Variants in CDH18 observed in about 807,000 individuals in gnomAD.
CDH18 encodes cadherin-18.
In CDH18, 31 loss-of-function variants were observed where a neutral mutation model predicts 67.9. That is an observed-to-expected ratio of 0.46 (90% confidence interval 0.34 to 0.62). The LOEUF is 0.62. CDH18 is among the 20% of genes least tolerant of loss of function. The pLI is 0.01. For synonymous variants in CDH18, 362 were observed against 347.2 expected, an observed-to-expected ratio of 1.04 and a Z score of -0.48; for missense variants, 890 against 975.5, an observed-to-expected ratio of 0.91 and a Z score of 1.17.
chr5:19,735,457 C>T (rs1261252707), intron 4 of CDH18, among the ~76,000 whole-genome samples: 1 of 148,466 alleles, frequency 6.7e-6, no homozygotes, highest in African/African-American at 2.5e-5. Flanking sequence ...AATGCAGTGG[C>T]GTGATCTCGG....
At chr5:19,894,657 T>C (rs1295373467) in intron 2 of CDH18, among the ~76,000 whole-genome samples, 4 of 152,192 alleles carry the variant, frequency 2.6e-5, no homozygotes, top group Non-Finnish European at 5.9e-5. Context: ...CTGAATAAAA[T>C]TGCATTTGTT....
intron 2 of CDH18, among the ~76,000 whole-genome samples, chr5:20,115,661 G>A (rs573947950): frequency 3.3e-5 from 5 of 151,974 alleles, no homozygotes; most frequent in Non-Finnish European, 4.4e-5. Flanking sequence ...ACAAATATTC[G>A]GTCTACAATG....
At chr5:19,637,806 A>G (rs1300433284) in intron 5 of CDH18, among the ~76,000 whole-genome samples, 1 of 151,834 alleles carries the variant, frequency 6.6e-6, no homozygotes, top group Non-Finnish European at 1.5e-5. Flanking sequence ...TAAATTCCCA[A>G]TTTTCTTTGT....
chr5:19,791,155 T>C (rs1776310380), intron 3 of CDH18, among the ~76,000 whole-genome samples: 1 of 152,054 alleles, frequency 6.6e-6, no homozygotes, highest in Admixed American at 6.6e-5. Flanking sequence ...AGTTTGAGAT[T>C]AGAAACATAA....
At chr5:19,719,734 AT>A (rs1765766765) in intron 5 of CDH18, among the ~76,000 whole-genome samples, 1 of 151,878 alleles carries the variant, frequency 6.6e-6, no homozygotes, top group African/African-American at 2.4e-5. Context: ...TTAACTACAT[AT>A]TACAATCTAT....
chr5:19,619,749 G>A lies in CDH18; in HGVS notation c.644-7148C>T, dbSNP rs1313587047. 2.0e-5 allele frequency among the ~76,000 whole-genome samples: 3 copies of A among 152,232 alleles called. No individual in the cohort carries two copies. In the East Asian group the frequency reaches 5.8e-4, roughly 29 times the overall value. On this transcript the variant is annotated intron_variant, in intron 5 of 12. Coordinates refer to ENST00000382275, the MANE Select transcript of CDH18 (RefSeq NM_004934.5). Reference sequence around the variant, plus strand: ...CAAGATTGACCAAACTTCCCTATTTGTCAGTCACTGTTACGGCTGCGGTTT... The same window carrying A: ...CAAGATTGACCAAACTTCCCTATTTATCAGTCACTGTTACGGCTGCGGTTT...
intron 1 of CDH18, among the ~76,000 whole-genome samples, chr5:20,299,959 T>A (rs78718278): frequency 0.055 from 8,363 of 152,054 alleles, 585 homozygotes; most frequent in African/African-American, 0.16. Flanking sequence ...GTTCTATAAA[T>A]AGGATTTAGC....
At chr5:19,505,900 C>A (rs1224346151) in intron 10 of CDH18, among the ~76,000 whole-genome samples, 2 of 152,118 alleles carry the variant, frequency 1.3e-5, no homozygotes. Flanking sequence ...ATGGTACCAG[C>A]TCCTCTTTGT....
intron 2 of CDH18, among the ~76,000 whole-genome samples, chr5:19,869,785 G>T (rs114999043): frequency 1.3e-5 from 2 of 151,938 alleles, no homozygotes; most frequent in Non-Finnish European, 2.9e-5. Context: ...GAGTAGTTCC[G>T]TTTCAATTCA....
intron 1 of CDH18, among the ~76,000 whole-genome samples, chr5:20,505,685 T>C (rs1449917693): frequency 6.6e-6 from 1 of 152,212 alleles, no homozygotes; most frequent in Non-Finnish European, 1.5e-5. Flanking sequence ...CTTTGAGAGA[T>C]ATTTGAAATC....
At chr5:19,538,553 T>C (rs1749767328) in intron 9 of CDH18, among the ~76,000 whole-genome samples, 1 of 152,164 alleles carries the variant, frequency 6.6e-6, no homozygotes, top group Non-Finnish European at 1.5e-5. Flanking sequence ...CTTCACAATA[T>C]AAATTTAAAA....
At chr5:19,987,471 C>A (rs1476615772) in intron 1 of CDH18, among the ~76,000 whole-genome samples, 3 of 151,666 alleles carry the variant, frequency 2.0e-5, no homozygotes, top group African/African-American at 4.8e-5. Flanking sequence ...TATAAGTGCC[C>A]TTTAAAAGAA....
At chr5:19,833,967 G>A (rs1231345799) in intron 3 of CDH18, among the ~76,000 whole-genome samples, 3 of 151,806 alleles carry the variant, frequency 2.0e-5, no homozygotes, top group African/African-American at 2.4e-5. Context: ...CAGGGATATC[G>A]GCCTGAAGAT....
chr5:20,563,406 T>C (rs1174526431), intron 1 of CDH18, among the ~76,000 whole-genome samples: 2 of 152,182 alleles, frequency 1.3e-5, no homozygotes, highest in Non-Finnish European at 2.9e-5. Flanking sequence ...TATACTTTTA[T>C]ACTTTTGGCA....
chr5:19,893,510 G>C (rs1788987295), intron 2 of CDH18, among the ~76,000 whole-genome samples: 1 of 152,080 alleles, frequency 6.6e-6, no homozygotes, highest in Non-Finnish European at 1.5e-5. Context: ...GCTTGATAAT[G>C]ACTTTAAAAA....
At chr5:20,226,270 T>G (rs1301698726) in intron 2 of CDH18, among the ~76,000 whole-genome samples, 1 of 152,200 alleles carries the variant, frequency 6.6e-6, no homozygotes, top group African/African-American at 2.4e-5. Flanking sequence ...CTATTTTAAG[T>G]GAAAGTATAT....
At chr5:19,736,208 T>C (rs905441799) in intron 4 of CDH18, among the ~76,000 whole-genome samples, 3 of 152,116 alleles carry the variant, frequency 2.0e-5, no homozygotes, top group African/African-American at 7.2e-5. Context: ...GTGGGCAACA[T>C]TGTAAAACCC....
At chr5:20,214,886 A>G (rs932607116) in intron 2 of CDH18, among the ~76,000 whole-genome samples, 16 of 152,128 alleles carry the variant, frequency 1.1e-4, no homozygotes, top group African/African-American at 3.6e-4. Flanking sequence ...AAAAGAAACT[A>G]TCAAGAGAGT....
intron 1 of CDH18, among the ~76,000 whole-genome samples, chr5:20,437,008 C>T (rs1749218725): frequency 6.7e-6 from 1 of 148,902 alleles, no homozygotes; most frequent in Non-Finnish European, 1.5e-5. Context: ...AAAAAATGTA[C>T]AAAGAAAATA....
Sources: gnomAD v4.1 joint callset for allele counts (sites outside exome capture counted in the v4.1 genomes callset) on GRCh38, gnomAD v4.1.1 for gene constraint, MANE v1.5 for transcripts, NCBI Gene and HGNC (gene_info 2026-07-23, HGNC 2026-07-21) for gene names.